CAMKMT: variants seen among roughly 807,000 people sequenced by gnomAD.
CAMKMT encodes the protein CaM KMT.
Under a neutral mutation model 48.0 loss-of-function variants are expected in CAMKMT, and 53 were observed. That is an observed-to-expected ratio of 1.10 (90% CI 0.89 to 1.39). The LOEUF (loss-of-function observed/expected upper bound fraction) is 1.39, where lower values mean the gene tolerates loss of function less well. CAMKMT is among the 40% of genes most tolerant of loss of function. The probability of loss-of-function intolerance (pLI) is 0.00; values close to 1 mark genes in which losing one functional copy is unlikely to be tolerated. For missense variants in CAMKMT, 428 were observed against 402.7 expected, an observed-to-expected ratio of 1.06 and a Z score of -0.54; for synonymous variants, 165 against 152.3, an observed-to-expected ratio of 1.08 and a Z score of -0.61.
At chr2:44,539,948 A>G (rs1472714577) in intron 3 of CAMKMT, among the ~76,000 whole-genome samples, 1 of 152,098 alleles carries the variant, frequency 6.6e-6, no homozygotes, top group Non-Finnish European at 1.5e-5. Flanking sequence ...TTTTCTTTTT[A>G]TAACTAATAA....
At chr2:44,691,744 C>A (rs971906446) in intron 3 of CAMKMT, among the ~76,000 whole-genome samples, 1 of 152,114 alleles carries the variant, frequency 6.6e-6, no homozygotes. Flanking sequence ...AGCTCTGTGA[C>A]CCAGTATCTG....
At position 44,434,980 on chromosome 2, in the gene CAMKMT, G is replaced by A. The variant is rs571792772; in HGVS notation, c.376+44675G>A. ...CTGTTATTTCCAACTTCATATAATG[G>A]CATCATTGTCTCTGGGGCACGTATG... On this transcript the variant is annotated intron_variant, in intron 3 of 10. Transcript: ENST00000378494. 7.2e-5 allele frequency among the ~76,000 whole-genome samples: 11 copies of A among 152,174 alleles called. No individual in the cohort carries two copies. The South Asian group carries it at 1.9e-3, about 26-fold the overall frequency.
At chr2:44,613,451 A>G (rs1261745310) in intron 3 of CAMKMT, among the ~76,000 whole-genome samples, 1 of 152,234 alleles carries the variant, frequency 6.6e-6, no homozygotes, top group Non-Finnish European at 1.5e-5. Flanking sequence ...GTGCCAGGGC[A>G]ACATCATTCT....
At chr2:44,530,173 G>T (rs537305414) in intron 3 of CAMKMT, among the ~76,000 whole-genome samples, 1 of 152,240 alleles carries the variant, frequency 6.6e-6, no homozygotes, top group South Asian at 2.1e-4. Flanking sequence ...AAATGATAGG[G>T]TAGTGAATGT....
rs1669994611 is a variant in CAMKMT at position 44,588,203 on chromosome 2, A to G, written c.377-116080A>G. Among the ~76,000 whole-genome samples, 3 of 115,894 alleles carry G rather than the reference A, an allele frequency of 2.6e-5. No homozygotes were observed. In the Admixed American group the frequency reaches 2.7e-4, roughly 10 times the overall value. The allele number at this position is 115,894 out of a possible 152,430, so 76.0% of individuals were successfully genotyped here. ...GAAGTGAGGAAACCCTCTGCCTGGCAACCGCCCCGTCTGAGAAGTGAGGAG... is the reference window on the plus strand; with the variant it reads ...GAAGTGAGGAAACCCTCTGCCTGGCGACCGCCCCGTCTGAGAAGTGAGGAG... On this transcript the variant is annotated intron_variant, in intron 3 of 10. Transcript: ENST00000378494.
chr2:44,639,575 T>C (rs1673331474), intron 3 of CAMKMT, among the ~76,000 whole-genome samples: 1 of 152,222 alleles, frequency 6.6e-6, no homozygotes, highest in Admixed American at 6.5e-5. Flanking sequence ...GAAAGCACTT[T>C]AGCTTAGTGC....
chr2:44,474,903 G>T (rs1202552913), intron 3 of CAMKMT, among the ~76,000 whole-genome samples: 1 of 152,098 alleles, frequency 6.6e-6, no homozygotes, highest in Non-Finnish European at 1.5e-5. Flanking sequence ...TTCAGTGCCT[G>T]GTATGTAGAA....
intron 9 of CAMKMT, among the ~76,000 whole-genome samples, chr2:44,760,286 A>G (rs1680562658): frequency 6.6e-6 from 1 of 152,048 alleles, no homozygotes; most frequent in South Asian, 2.1e-4. Context: ...AAGAAAAATC[A>G]TGGTGTGTTT....
At chr2:44,748,682 C>G (rs527769912) in intron 8 of CAMKMT, among the ~76,000 whole-genome samples, 2 of 151,962 alleles carry the variant, frequency 1.3e-5, no homozygotes, top group African/African-American at 4.8e-5. Context: ...ACCATCCTGG[C>G]TAACACGGTG....
intron 3 of CAMKMT, among the ~76,000 whole-genome samples, chr2:44,630,389 G>T (rs1190574351): frequency 2.0e-5 from 3 of 151,926 alleles, no homozygotes; most frequent in Admixed American, 6.6e-5. Flanking sequence ...AGCCAAAATT[G>T]ACAAATGGGA....
chr2:44,747,145 T>A (rs559909549), intron 8 of CAMKMT, among the ~76,000 whole-genome samples: 1 of 152,322 alleles, frequency 6.6e-6, no homozygotes, highest in African/African-American at 2.4e-5. Flanking sequence ...TAAGGGAAAG[T>A]ACATTGGCCT....
In CAMKMT at chr2:44,571,856, G is replaced by A. The variant is rs1668924067; in HGVS notation, c.377-132427G>A. On this transcript the variant is annotated intron_variant, in intron 3 of 10. Transcript: ENST00000378494. ...TAAAAAAGAGACAAAACAAATAACA[G>A]TTATTACTTGCAGAGCTTATACTTG... Among the ~76,000 whole-genome samples the A allele has an allele frequency of 3.3e-5, 5 of 152,018 alleles. No individual in the cohort carries two copies. The South Asian group carries it at 1.0e-3, about 32-fold the overall frequency.
In CAMKMT at chr2:44,742,903, C is replaced by T. The variant is rs148656111; in HGVS notation, c.624-719C>T. On this transcript the variant is annotated intron_variant, in intron 7 of 10. Transcript: ENST00000378494. ...AGTACTGTAAATCACAGTTTTGGTG[C>T]TGTGGTAAGACGAATCATTAAAATA... is the stretch of plus-strand genomic sequence containing the variant. Among the ~76,000 whole-genome samples the T allele has an allele frequency of 4.9e-3, 748 of 152,246 alleles. 9 individuals are homozygous for T. Among genetic ancestry groups the T allele is most frequent in the African/African-American group, 0.017 (713 of 41,544 alleles).
At chr2:44,390,445 C>A in intron 3 of CAMKMT, 140 bp downstream of exon 3, 1 of 478,324 alleles carries the variant, frequency 2.1e-6, no homozygotes, top group Non-Finnish European at 3.4e-6. Context: ...GTTTGACTGT[C>A]TTTAGCTGCA....
chr2:44,464,731 T>G (rs1486636246), intron 3 of CAMKMT, among the ~76,000 whole-genome samples: 1 of 152,152 alleles, frequency 6.6e-6, no homozygotes. Context: ...GGCAAAATTA[T>G]CATTTAAAGA....
intron 3 of CAMKMT, among the ~76,000 whole-genome samples, chr2:44,493,069 AT>A (rs996613565): frequency 6.6e-5 from 10 of 150,922 alleles, no homozygotes; most frequent in African/African-American, 2.2e-4. Context: ...AATTTTTGTA[AT>A]TTTTTTAGCA....
At chr2:44,527,372 CATACATATA>C (rs1666192645) in intron 3 of CAMKMT, among the ~76,000 whole-genome samples, 2 of 137,562 alleles carry the variant, frequency 1.5e-5, no homozygotes, top group South Asian at 4.5e-4. Context: ...TACGTATATA[CATACATATA>C]ATATATAATA....
chr2:44,697,837 A>T (rs1228958464), intron 3 of CAMKMT, among the ~76,000 whole-genome samples: 3 of 152,188 alleles, frequency 2.0e-5, no homozygotes, highest in Non-Finnish European at 2.9e-5. Context: ...CTTGAAACTG[A>T]AAAATCAAGA....
At chr2:44,743,494 C>T (rs537569209) in intron 7 of CAMKMT, 128 bp from the exon 8 acceptor site, 84 of 620,090 alleles carry the variant, frequency 1.4e-4, no homozygotes, top group Middle Eastern at 1.3e-3. Flanking sequence ...TTTTATTATA[C>T]CTTTTGAAAT....
Sources: gnomAD v4.1 joint callset for allele counts (sites outside exome capture counted in the v4.1 genomes callset) on GRCh38, gnomAD v4.1.1 for gene constraint, MANE v1.5 for transcripts, NCBI Gene and HGNC (gene_info 2026-07-23, HGNC 2026-07-21) for gene names.